Variants in CDIN1 observed in about 807,000 individuals in gnomAD.
The protein encoded by CDIN1 is CDAN1-interacting nuclease 1.
Under a neutral mutation model 45.3 loss-of-function variants are expected in CDIN1, and 33 were observed. The ratio of observed to expected loss-of-function variants is 0.73; its 90% CI spans 0.55 to 0.97. The LOEUF (loss-of-function observed/expected upper bound fraction) is 0.97. Among genes scored for constraint, CDIN1 ranks in the 50% least tolerant of loss-of-function variants. The pLI, the probability that CDIN1 is intolerant of heterozygous loss-of-function variation, is 0.00. For synonymous variants in CDIN1, 118 were observed against 124.4 expected (o/e 0.95, Z 0.34); for missense variants, 303 against 339.4 (o/e 0.89, Z 0.84).
chr15:36,697,107 A>C (rs1300434575), intron 7 of CDIN1, among the ~76,000 whole-genome samples: 1 of 151,902 alleles, frequency 6.6e-6, no homozygotes, highest in African/African-American at 2.4e-5. Flanking sequence ...CCTGGGCAAC[A>C]GAGCAGGACC....
In CDIN1 at chr15:36,671,358, G is replaced by T. The variant is rs114489692; in HGVS notation, c.346+13453G>T. Among the ~76,000 whole-genome samples, 370 of 152,216 alleles carry T rather than the reference G, an allele frequency of 2.4e-3. 1 individual carries two copies. The highest frequency in any genetic ancestry group is 8.4e-3 in the African/African-American group (347 of 41,528). ...GTAGAAAACGGTATCTTTAGCAAAAGTATGAAAGGCAAAAGGATTGGGGGA... is the reference window on the plus strand; with the variant it reads ...GTAGAAAACGGTATCTTTAGCAAAATTATGAAAGGCAAAAGGATTGGGGGA... On this transcript the variant is annotated intron_variant, in intron 5 of 10. Coordinates refer to ENST00000566621, the MANE Select transcript of CDIN1 (RefSeq NM_001321759.2).
intron 3 of CDIN1, among the ~76,000 whole-genome samples, chr15:36,647,900 C>T (rs185378525): frequency 1.1e-3 from 157 of 148,044 alleles, no homozygotes; most frequent in Middle Eastern, 7.1e-3. Context: ...AGCACAGTGA[C>T]GCAATCTCGG....
intron 3 of CDIN1, among the ~76,000 whole-genome samples, chr15:36,652,680 G>A (rs1339807419): frequency 6.6e-6 from 1 of 152,164 alleles, no homozygotes. Flanking sequence ...GCCCCAATAT[G>A]TGGAAAATTG....
chr15:36,706,203 C>T (rs2042858971), intron 8 of CDIN1: 1 of 152,122 alleles, frequency 6.6e-6, no homozygotes, highest in Non-Finnish European at 1.5e-5. Context: ...TATATATCAA[C>T]AGATCAGTAG....
intron 10 of CDIN1, among the ~76,000 whole-genome samples, chr15:36,800,677 C>T (rs1161345911): frequency 2.6e-5 from 4 of 151,452 alleles, no homozygotes; most frequent in Non-Finnish European, 5.9e-5. Context: ...TCTCCTTCAT[C>T]GTGAACTATG....
chr15:36,635,120 C>A (rs1462135255), intron 1 of CDIN1, among the ~76,000 whole-genome samples: 2 of 152,116 alleles, frequency 1.3e-5, no homozygotes, highest in African/African-American at 2.4e-5. Flanking sequence ...GGGCCTCTAA[C>A]AGACTATACC....
At chr15:36,727,066 G>C (rs969450585) in intron 10 of CDIN1, among the ~76,000 whole-genome samples, 1 of 151,590 alleles carries the variant, frequency 6.6e-6, no homozygotes, top group African/African-American at 2.4e-5. Flanking sequence ...ATTGTGGTGA[G>C]AAAAAAATAT....
chr15:36,613,369 A>G (rs1217573323), intron 1 of CDIN1: 1 of 798,832 alleles, frequency 1.3e-6, no homozygotes, highest in Non-Finnish European at 2.0e-6. Context: ...TGTAAAGATA[A>G]AAAAAGGATT....
Position 36,774,133 on chromosome 15 carries a change from G to GGTGTGTGT in CDIN1, c.717-34167_717-34160dup, listed in dbSNP as rs761451923. 7.7e-3 allele frequency among the ~76,000 whole-genome samples: 1,062 copies of GGTGTGTGT among 138,796 alleles called. 11 individuals are homozygous for GGTGTGTGT. Among genetic ancestry groups the GGTGTGTGT allele is most frequent in the African/African-American group, 0.027 (978 of 36,738 alleles). The allele number at this position is 138,796 out of a possible 152,430, so 91.1% of individuals were successfully genotyped here. ...CACCTGCCGGCAAGTAACTGACAGG[G>GGTGTGTGT]GTGTGTGTGTGTGTGTGTGTGTGTG... On this transcript the variant is annotated intron_variant, in intron 10 of 10. Transcript: ENST00000566621.
chr15:36,689,558 C>T (rs1282430103), intron 5 of CDIN1, among the ~76,000 whole-genome samples: 5 of 152,104 alleles, frequency 3.3e-5, no homozygotes, highest in African/African-American at 4.8e-5. Context: ...TGTGGTGACT[C>T]GAGTGGCAGG....
chr15:36,807,651 G>A lies in CDIN1; in HGVS notation c.717-673G>A, dbSNP rs1256916924. 2.6e-5 allele frequency among the ~76,000 whole-genome samples: 4 copies of A among 152,104 alleles called. No individual in the cohort carries two copies. In the East Asian group the frequency reaches 5.8e-4, roughly 22 times the overall value. On this transcript the variant is annotated intron_variant, in intron 10 of 10. Coordinates refer to ENST00000566621, the MANE Select transcript of CDIN1 (RefSeq NM_001321759.2). ...GAAATGCTGAGGTTTTATTAAGCCC[G>A]TAGCGATCTATACTTTGTCACAAGC...
intron 10 of CDIN1, chr15:36,734,283 T>A: frequency 3.3e-6 from 1 of 303,858 alleles, no homozygotes; most frequent in East Asian, 8.5e-5. Context: ...CTGTTTGTTT[T>A]AATTAACATG....
intron 1 of CDIN1, among the ~76,000 whole-genome samples, chr15:36,604,418 TACAC>T (rs144533313): frequency 2.4e-3 from 311 of 128,858 alleles, no homozygotes; most frequent in African/African-American, 7.0e-3. Flanking sequence ...TTTTAAAAGG[TACAC>T]ACACACACAC....
intron 5 of CDIN1, among the ~76,000 whole-genome samples, chr15:36,676,587 A>G (rs1289714970): frequency 6.6e-6 from 1 of 152,144 alleles, no homozygotes; most frequent in Non-Finnish European, 1.5e-5. Flanking sequence ...AGAAGCATCC[A>G]GTTTTCTTTC....
chr15:36,797,841 A>G (rs528714427), intron 10 of CDIN1, among the ~76,000 whole-genome samples: 9 of 151,934 alleles, frequency 5.9e-5, no homozygotes, highest in South Asian at 4.2e-4. Flanking sequence ...TTAGCTGGGC[A>G]TGGTGGTGCA....
intron 9 of CDIN1, 86 bp from the exon 10 acceptor site, chr15:36,709,770 G>A (rs1238366158): frequency 1.0e-6 from 1 of 966,448 alleles, no homozygotes; most frequent in East Asian, 2.4e-5. Context: ...GCTCATTAAT[G>A]TGAAGCATAG....
intron 1 of CDIN1, among the ~76,000 whole-genome samples, chr15:36,594,159 C>T (rs1458810116): frequency 1.3e-5 from 2 of 152,042 alleles, no homozygotes; most frequent in African/African-American, 2.4e-5. Context: ...GCCTATCTTC[C>T]TCTAGGTTCT....
chr15:36,693,553 A>G (rs1202758665), intron 7 of CDIN1, among the ~76,000 whole-genome samples: 3 of 152,216 alleles, frequency 2.0e-5, no homozygotes, highest in Non-Finnish European at 2.9e-5. Context: ...ATAGTTAAAA[A>G]TCAATTTAAA....
At chr15:36,594,892 C>G (rs777800698) in intron 1 of CDIN1, 274 of 985,378 alleles carry the variant, frequency 2.8e-4, no homozygotes, top group Non-Finnish European at 3.0e-4. Flanking sequence ...CCCATTTCCT[C>G]AAAGCTCAGC....
Sources: allele counts gnomAD v4.1 joint callset (sites outside exome capture counted in the v4.1 genomes callset), GRCh38; gene constraint gnomAD v4.1.1; transcripts MANE v1.5; gene names NCBI Gene and HGNC (gene_info 2026-07-23, HGNC 2026-07-21).